SLC41A1: variants seen among roughly 807,000 people sequenced by gnomAD.
The protein encoded by SLC41A1 is solute carrier family 41 member 1.
In SLC41A1, 20 loss-of-function variants were observed where a neutral mutation model predicts 47.3. That is an observed-to-expected ratio of 0.42 (90% CI 0.30 to 0.61). SLC41A1 has a LOEUF of 0.61. Among genes scored for constraint, SLC41A1 ranks in the 20% least tolerant of loss-of-function variants. SLC41A1 has a pLI of 0.17. For synonymous variants in SLC41A1, 282 were observed against 272.7 expected (o/e 1.03, Z -0.34); for missense variants, 504 against 674.1 (o/e 0.75, Z 2.79).
intron 3 of SLC41A1, among the ~76,000 whole-genome samples, chr1:205,800,333 C>G (rs2102505230): frequency 6.6e-6 from 1 of 152,330 alleles, no homozygotes; most frequent in East Asian, 1.9e-4. Flanking sequence ...GTCACCTTCT[C>G]TAGACTCTTG....
chr1:205,797,423 T>C (rs548853091), intron 7 of SLC41A1, among the ~76,000 whole-genome samples: 2 of 152,322 alleles, frequency 1.3e-5, no homozygotes, highest in Admixed American at 6.5e-5. Context: ...GCCTCAATGA[T>C]AGCTAGGCTC....
At chr1:205,799,604 G>A (rs1311569997) in intron 4 of SLC41A1, among the ~76,000 whole-genome samples, 155 bp downstream of exon 4, 1 of 152,090 alleles carries the variant, frequency 6.6e-6, no homozygotes, top group Non-Finnish European at 1.5e-5. Flanking sequence ...GTTTTCCTGG[G>A]TAACCTAGTT....
At chr1:205,796,628 A>G (rs915940976) in intron 8 of SLC41A1, 5 of 459,604 alleles carry the variant, frequency 1.1e-5, no homozygotes, top group African/African-American at 7.9e-5. Context: ...TAAATTAGCC[A>G]GTTTCAAGTA....
intron 8 of SLC41A1, chr1:205,796,514 A>T: frequency 7.9e-6 from 2 of 253,032 alleles, no homozygotes; most frequent in Non-Finnish European, 1.6e-5. Flanking sequence ...CTGTTTCTCC[A>T]TTTGGATGTT....
At chr1:205,806,205 G>A (rs1045248368) in intron 2 of SLC41A1, among the ~76,000 whole-genome samples, 3 of 152,228 alleles carry the variant, frequency 2.0e-5, no homozygotes, top group Non-Finnish European at 4.4e-5. Flanking sequence ...CCTGACAGCA[G>A]GCAGGGGACA....
chr1:205,798,866 G>A (rs372920697), intron 5 of SLC41A1, 51 bp from the exon 6 acceptor site: 4 of 1,614,168 alleles, frequency 2.5e-6, no homozygotes, highest in Non-Finnish European at 3.4e-6. Flanking sequence ...AGATAAAGGA[G>A]TCTCAACAAA....
chr1:205,797,840 T>C (rs546253833), intron 7 of SLC41A1, 64 bp downstream of exon 7: 23 of 1,608,158 alleles, frequency 1.4e-5, no homozygotes, highest in Non-Finnish European at 1.9e-5. Flanking sequence ...TCTCCAGGGT[T>C]TAAAAAGAAG....
Position 205,796,975 on chromosome 1 carries a change from C to T in SLC41A1, c.1021G>A (p.Val341Ile), listed in dbSNP as rs746652764. 7 of 1,613,472 alleles carry T rather than the reference C, an allele frequency of 4.3e-6. No homozygotes were observed. The highest frequency in any genetic ancestry group is 5.9e-6 in the Non-Finnish European group (7 of 1,179,794). ...ATCCCAGCAAAGTTGGGGTCTGAGA[C>T]AGTCTTGTCCAAGATGAGGCCTCCC... is the stretch of plus-strand genomic sequence containing the variant. ...SVGGLILDKT[V>I]SDPNFAGMAV... The change falls in exon 8 of 11, where the codon GTC becomes ATC. Residue 341 changes from valine to isoleucine, a missense_variant. Physicochemically the swap from Val to Ile is conservative, Grantham distance 29. Coordinates refer to ENST00000367137, the MANE Select transcript of SLC41A1 (RefSeq NM_173854.6).
intron 6 of SLC41A1, among the ~76,000 whole-genome samples, chr1:205,798,280 C>A (rs1462091761): frequency 1.3e-5 from 2 of 152,132 alleles, no homozygotes; most frequent in African/African-American, 4.8e-5. Context: ...GGCACTGAGC[C>A]AATTAGGGAC....
At chr1:205,806,493 C>T (rs529684004) in intron 2 of SLC41A1, among the ~76,000 whole-genome samples, 126 of 152,314 alleles carry the variant, frequency 8.3e-4, no homozygotes, top group Admixed American at 7.3e-3. Context: ...ACACTACTTC[C>T]TGTCACCCCA....
At position 205,812,975 on chromosome 1, in the gene SLC41A1, A is replaced by T; in HGVS notation, c.-814T>A. Reference sequence around the variant, plus strand: ...GCCAAGGCGAGCGTCCAGCCGCGACACCCGGCTCGCTACATTTCGCTTCTG... The same window carrying T: ...GCCAAGGCGAGCGTCCAGCCGCGACTCCCGGCTCGCTACATTTCGCTTCTG... On this transcript the variant is annotated 5_prime_UTR_variant, in exon 1 of 11. Coordinates refer to ENST00000367137, the MANE Select transcript of SLC41A1 (RefSeq NM_173854.6). 1.0e-6 allele frequency: 1 copy of T among 985,768 alleles called. No individual in the cohort carries two copies. The highest frequency in any genetic ancestry group is 1.7e-5 in the African/African-American group (1 of 57,286). The allele number at this position is 985,768 out of a possible 1,614,324, so 61.1% of individuals were successfully genotyped here.
In SLC41A1 at chr1:205,791,978, T is replaced by C. The variant is rs1558077700; in HGVS notation, c.1357-260A>G. 2.0e-5 allele frequency among the ~76,000 whole-genome samples: 3 copies of C among 152,238 alleles called. No individual in the cohort carries two copies. Among genetic ancestry groups the C allele is most frequent in the African/African-American group, 7.2e-5 (3 of 41,456 alleles). On this transcript the variant is annotated intron_variant, in intron 10 of 10. Coordinates refer to ENST00000367137, the MANE Select transcript of SLC41A1 (RefSeq NM_173854.6). The surrounding 1 kb of genome is among the most constrained non-coding windows in gnomAD (Gnocchi z 4.0). ...CCCAGGGTCACCCACATCAGCATTATATTCTGCTCCCAAGTTTACCAAACA... is the reference window on the plus strand; with the variant it reads ...CCCAGGGTCACCCACATCAGCATTACATTCTGCTCCCAAGTTTACCAAACA...
chr1:205,791,707 G>C lies in SLC41A1; in HGVS notation c.1368C>G (p.Leu456=). Residue 456 remains leucine (L), a synonymous_variant, in exon 11 of 11, where the codon CTC becomes CTG. Transcript: ENST00000367137. The surrounding 1 kb of genome is among the most constrained non-coding windows in gnomAD (Gnocchi z 4.0). The part of the protein sequence containing the change: ...MTAALLQVLI[L]LYIADWMVHW... ...GCACCATCCAGTCTGCGATGTACAG[G>C]AGAATCAGCACCTGGGGAGACAAAA... 6.2e-7 allele frequency: 1 copy of C among 1,613,734 alleles called. No homozygotes were observed. The highest frequency in any genetic ancestry group is 8.5e-7 in the Non-Finnish European group (1 of 1,180,016).
rs1437591480 is a variant in SLC41A1, at chr1:205,790,912, C to A, written c.*621G>T. 1 of 158,300 alleles carries A rather than the reference C, an allele frequency of 6.3e-6. No homozygotes were observed. The highest frequency in any genetic ancestry group is 1.4e-5 in the Non-Finnish European group (1 of 71,534). 9.8% of individuals were successfully genotyped at this position (158,300 alleles called of 1,614,324 possible). ...CAGGCCATTGAACAAGAGGCATGTG[C>A]ACAAATTGAAAAGTCAGTCCACCTT... is the stretch of plus-strand genomic sequence containing the variant. On this transcript the variant is annotated 3_prime_UTR_variant, in exon 11 of 11. Transcript: ENST00000367137.
Position 205,813,109 on chromosome 1 carries a change from G to C in SLC41A1, c.-948C>G. 1.0e-6 allele frequency: 1 copy of C among 985,564 alleles called. No individual in the cohort carries two copies. The highest frequency in any genetic ancestry group is 4.7e-5 in the South Asian group (1 of 21,288). 61.1% of individuals were successfully genotyped at this position (985,564 alleles called of 1,614,324 possible). A position where few individuals can be genotyped will look rare whatever the true frequency, so the allele number is the denominator to read the frequency against. ...GGGCACCCGGACGGGGGACCGGGGA[G>C]CCGAGCTCACGCGCCCCCAATCGCT... is the stretch of plus-strand genomic sequence containing the variant. On this transcript the variant is annotated 5_prime_UTR_variant, in exon 1 of 11. Transcript: ENST00000367137.
At chr1:205,808,671 GC>G (rs1656072728) in intron 2 of SLC41A1, among the ~76,000 whole-genome samples, 1 of 152,190 alleles carries the variant, frequency 6.6e-6, no homozygotes. Context: ...GGGAGGAGCA[GC>G]CCCTAGCAGG....
chr1:205,793,283 T>C (rs1655666503), intron 10 of SLC41A1, among the ~76,000 whole-genome samples: 1 of 152,206 alleles, frequency 6.6e-6, no homozygotes, highest in Non-Finnish European at 1.5e-5. Context: ...TGTCACGCTC[T>C]GGCCCTCCAC....
chr1:205,799,181 C>G (rs4396169), intron 4 of SLC41A1, 80 bp from the exon 5 acceptor site: 1 of 1,589,630 alleles, frequency 6.3e-7, no homozygotes, highest in Non-Finnish European at 8.6e-7. Flanking sequence ...CTGGGCAGAC[C>G]TCTTCCTGGC....
intron 2 of SLC41A1, among the ~76,000 whole-genome samples, chr1:205,805,968 A>G (rs980592913): frequency 1.3e-5 from 2 of 152,232 alleles, no homozygotes; most frequent in African/African-American, 4.8e-5. Flanking sequence ...AAATTCCCAG[A>G]TACAAGCTTT....
Sources: allele counts gnomAD v4.1 joint callset (sites outside exome capture counted in the v4.1 genomes callset), GRCh38; gene constraint gnomAD v4.1.1; non-coding constraint Gnocchi (gnomAD v3.1); transcripts MANE v1.5; gene names NCBI Gene and HGNC (gene_info 2026-07-23, HGNC 2026-07-21).